Variants in DLGAP2 observed in about 807,000 individuals in gnomAD.
DLGAP2 encodes DLG associated protein 2.
A neutral mutation model predicts 100.3 loss-of-function variants in DLGAP2; 26 were observed. That is an observed-to-expected ratio of 0.26 (90% CI 0.19 to 0.36). The LOEUF is 0.36. Among genes scored for constraint, DLGAP2 ranks in the 10% least tolerant of loss-of-function variants. The pLI is 1.00. For synonymous variants in DLGAP2, 886 were observed against 630.1 expected (o/e 1.41, Z -6.08); for missense variants, 1,858 against 1,453.2 (o/e 1.28, Z -4.53).
intron 3 of DLGAP2, among the ~76,000 whole-genome samples, chr8:1,279,468 A>G (rs142912311): frequency 1.5e-4 from 23 of 152,376 alleles, no homozygotes; most frequent in African/African-American, 5.3e-4. Context: ...ACATATCCCA[A>G]TTAATATACC....
intron 2 of DLGAP2, among the ~76,000 whole-genome samples, chr8:1,107,346 C>T (rs192505016): frequency 6.6e-6 from 1 of 152,306 alleles, no homozygotes; most frequent in East Asian, 1.9e-4. Context: ...AGACCCCTTG[C>T]TGTTGCTGAG....
chr8:1,667,642 A>G (rs58816746), intron 8 of DLGAP2, among the ~76,000 whole-genome samples: 26,647 of 152,230 alleles, frequency 0.18, 4,118 homozygotes, highest in African/African-American at 0.42. Flanking sequence ...CTGTCACTCA[A>G]CAGCCGCGAT....
At chr8:1,529,111 C>A (rs1336971875) in intron 4 of DLGAP2, among the ~76,000 whole-genome samples, 6 of 152,198 alleles carry the variant, frequency 3.9e-5, no homozygotes, top group Non-Finnish European at 5.9e-5. Flanking sequence ...GTTTAATTGA[C>A]TCACAGTTCA....
chr8:1,575,370 G>T (rs574346738), intron 6 of DLGAP2, among the ~76,000 whole-genome samples: 1 of 151,996 alleles, frequency 6.6e-6, no homozygotes, highest in Non-Finnish European at 1.5e-5. Context: ...GCAGACAGTG[G>T]AATGGAGGTT....
At chr8:1,276,505 G>T (rs1799700931) in intron 3 of DLGAP2, among the ~76,000 whole-genome samples, 1 of 152,166 alleles carries the variant, frequency 6.6e-6, no homozygotes, top group African/African-American at 2.4e-5. Flanking sequence ...TTGCTTGCAT[G>T]TGTATCTTCA....
intron 3 of DLGAP2, among the ~76,000 whole-genome samples, chr8:1,349,756 G>A (rs1483498743): frequency 6.6e-6 from 1 of 152,234 alleles, no homozygotes; most frequent in African/African-American, 2.4e-5. Flanking sequence ...AGGAAGGATG[G>A]TGTCTTTCCC....
In DLGAP2 at chr8:1,668,417, C is replaced by T. The variant is rs773737185; in HGVS notation, c.1899C>T (p.Ser633=). The T allele has an allele frequency of 2.5e-6, 4 of 1,604,674 alleles. No individual in the cohort carries two copies. The highest frequency in any genetic ancestry group is 3.4e-6 in the Non-Finnish European group (4 of 1,176,156). The change falls in exon 9 of 15, where the codon AGC becomes AGT. Residue 633 remains serine (S), a synonymous_variant. Coordinates refer to ENST00000637795, the MANE Select transcript of DLGAP2 (RefSeq NM_001346810.2). The part of the protein sequence containing the change: ...SKPLISVTAQ[S]STESTQDAYQ... ...CTCTGATCTCGGTGACGGCGCAGAG[C>T]AGCACCGAATCCACCCAGGACGCCT...
intron 2 of DLGAP2, among the ~76,000 whole-genome samples, chr8:1,025,870 G>C (rs1205155891): frequency 1.3e-5 from 2 of 152,156 alleles, no homozygotes; most frequent in Admixed American, 6.5e-5. Flanking sequence ...ACTGAGAAAA[G>C]ACAATATACA....
chr8:942,174 C>G (rs1379087076), intron 2 of DLGAP2, among the ~76,000 whole-genome samples: 6 of 152,176 alleles, frequency 3.9e-5, no homozygotes, highest in African/African-American at 1.2e-4. Flanking sequence ...GTCCTGAAAT[C>G]CTGGGCTTAA....
intron 1 of DLGAP2, among the ~76,000 whole-genome samples, chr8:747,738 G>C (rs772163280): frequency 4.6e-4 from 15 of 32,640 alleles, no homozygotes; most frequent in East Asian, 1.7e-3. Context: ...GTGGGATGGG[G>C]GGGCTCTGCG....
At chr8:1,508,276 ATACCCCGCAAACCCCCGC>A (rs1293295309) in intron 4 of DLGAP2, among the ~76,000 whole-genome samples, 7,861 of 90,398 alleles carry the variant, frequency 0.087, 2,052 homozygotes, top group Middle Eastern at 0.11. Context: ...GCCCCCTGCC[ATACCCCGCAAACCCCCGC>A]CACCCCCTGC....
chr8:771,362 T>G (rs1016141904), intron 1 of DLGAP2, among the ~76,000 whole-genome samples: 2 of 152,136 alleles, frequency 1.3e-5, no homozygotes, highest in East Asian at 1.9e-4. Flanking sequence ...TTTCATAGAG[T>G]TATTAGGTAG....
intron 2 of DLGAP2, among the ~76,000 whole-genome samples, chr8:1,089,028 A>T (rs187709314): frequency 9.1e-6 from 1 of 110,378 alleles, no homozygotes; most frequent in African/African-American, 3.9e-5. Flanking sequence ...TCCACCCCTC[A>T]TCCAGCAGGC....
At chr8:1,062,737 G>A (rs972735299) in intron 2 of DLGAP2, among the ~76,000 whole-genome samples, 2 of 152,106 alleles carry the variant, frequency 1.3e-5, no homozygotes, top group Admixed American at 6.5e-5. Context: ...GGGGGTAGTT[G>A]GGGGGAGACT....
In DLGAP2 at chr8:851,068, T is replaced by A. The variant is rs73673021; in HGVS notation, c.19-56844T>A. 2.7e-3 allele frequency among the ~76,000 whole-genome samples: 407 copies of A among 152,360 alleles called. 1 individual carries two copies. The highest frequency in any genetic ancestry group is 6.8e-3 in the Middle Eastern group (2 of 294). On this transcript the variant is annotated intron_variant, in intron 1 of 14. Coordinates refer to ENST00000637795, the MANE Select transcript of DLGAP2 (RefSeq NM_001346810.2). ...TCTCTGTATCAAAACAACATGTTTT[T>A]AACATATGATTTTTCTGTTTGTTTG...
Position 1,390,515 on chromosome 8 carries a change from C to T in DLGAP2, c.107-110851C>T, listed in dbSNP as rs956526966. On this transcript the variant is annotated intron_variant, in intron 3 of 14. Coordinates refer to ENST00000637795, the MANE Select transcript of DLGAP2 (RefSeq NM_001346810.2). ...CATTCTGGGACCTCTGTGTACTGCA[C>T]TGCAATTAGAAAATGACAATCTGTC... Among the ~76,000 whole-genome samples, 3 of 152,208 alleles carry T rather than the reference C, an allele frequency of 2.0e-5. No individual in the cohort carries two copies. The South Asian group carries it at 6.2e-4, about 32-fold the overall frequency.
chr8:1,498,599 G>C (rs535319182), intron 3 of DLGAP2, among the ~76,000 whole-genome samples: 6 of 152,172 alleles, frequency 3.9e-5, no homozygotes, highest in African/African-American at 7.2e-5. Context: ...AGCTCACTGT[G>C]TCTGTGCAGC....
chr8:1,615,990 G>C (rs1797140968), intron 6 of DLGAP2, among the ~76,000 whole-genome samples: 1 of 152,110 alleles, frequency 6.6e-6, no homozygotes, highest in Non-Finnish European at 1.5e-5. Flanking sequence ...AAAAATGTCT[G>C]TTACAAGGTT....
At chr8:976,682 A>T (rs913426244) in intron 2 of DLGAP2, among the ~76,000 whole-genome samples, 14 of 152,242 alleles carry the variant, frequency 9.2e-5, no homozygotes, top group Non-Finnish European at 2.9e-5. Flanking sequence ...GGAGCAATTC[A>T]GTGTAGAAAA....
Sources: allele counts gnomAD v4.1 joint callset (sites outside exome capture counted in the v4.1 genomes callset), GRCh38; gene constraint gnomAD v4.1.1; transcripts MANE v1.5; gene names NCBI Gene and HGNC (gene_info 2026-07-23, HGNC 2026-07-21).